The following RPS6KC1 variants were observed in gnomAD, a reference collection of about 807,000 sequenced individuals.
RPS6KC1 encodes the protein ribosomal protein S6 kinase C1.
Under a neutral mutation model 103.8 loss-of-function variants are expected in RPS6KC1, and 54 were observed. The observed-to-expected ratio is 0.52, with a 90% CI of 0.42 to 0.65. The LOEUF is 0.65. RPS6KC1 is among the 30% of genes least tolerant of loss of function. The probability of loss-of-function intolerance (pLI) is 0.00; values close to 1 mark genes in which losing one functional copy is unlikely to be tolerated. For synonymous variants in RPS6KC1, 439 were observed against 438.7 expected, an observed-to-expected ratio of 1.00 and a Z score of -0.01; for missense variants, 1,151 against 1,253.8, an observed-to-expected ratio of 0.92 and a Z score of 1.24.
At chr1:213,585,704 G>T in the RPS6KC1 span, among the ~76,000 whole-genome samples, 1 of 152,228 alleles carries the variant, frequency 6.6e-6, no homozygotes, top group East Asian at 1.9e-4. Flanking sequence ...TGGGTGAATG[G>T]GGTGTCTCTC....
chr1:213,785,474 A>G, the RPS6KC1 span, among the ~76,000 whole-genome samples: 1 of 152,196 alleles, frequency 6.6e-6, no homozygotes, highest in South Asian at 2.1e-4. Flanking sequence ...TGAGATCTTT[A>G]GCCCAAAAGA....
the RPS6KC1 span, among the ~76,000 whole-genome samples, chr1:213,506,744 T>A: frequency 2.0e-5 from 3 of 152,242 alleles, no homozygotes; most frequent in African/African-American, 7.2e-5. Flanking sequence ...TGATTCTTAA[T>A]TAGCTAGCTA....
chr1:213,253,239 A>G (rs911773783), intron 12 of RPS6KC1, among the ~76,000 whole-genome samples: 5 of 152,100 alleles, frequency 3.3e-5, no homozygotes, highest in Admixed American at 6.6e-5. Flanking sequence ...ATGGGTAACT[A>G]TATTGTTAGT....
chr1:213,153,539 A>G (rs915353231), intron 6 of RPS6KC1, among the ~76,000 whole-genome samples: 9 of 152,210 alleles, frequency 5.9e-5, no homozygotes, highest in East Asian at 1.9e-4. Context: ...TGTGTTGCCT[A>G]TGTCTTGAAA....
the RPS6KC1 span, among the ~76,000 whole-genome samples, chr1:213,398,084 T>G: frequency 6.6e-6 from 1 of 151,356 alleles, no homozygotes; most frequent in African/African-American, 2.4e-5. Context: ...CAGGCTGGAG[T>G]GCAGTGGTGC....
the RPS6KC1 span, among the ~76,000 whole-genome samples, chr1:213,778,310 C>T: frequency 2.0e-5 from 3 of 152,160 alleles, no homozygotes; most frequent in South Asian, 6.2e-4. Flanking sequence ...GATTTTCCTA[C>T]CAATTTTGAC....
rs190195331 is a variant in RPS6KC1, at chr1:213,272,783, G to A, written c.*149G>A. 1.0e-3 allele frequency: 620 copies of A among 597,026 alleles called. 2 individuals carry two copies. The highest frequency in any genetic ancestry group is 1.6e-3 in the Admixed American group (55 of 35,318). 37.0% of individuals were successfully genotyped at this position (597,026 alleles called of 1,614,324 possible). On this transcript the variant is annotated 3_prime_UTR_variant, in exon 15 of 15. Transcript: ENST00000366960. ...GGAAATGGGGGGGAAATGGCTAAAAGAGAACAATTCGTTTACAATTACAAG... is the reference window on the plus strand; with the variant it reads ...GGAAATGGGGGGGAAATGGCTAAAAAAGAACAATTCGTTTACAATTACAAG...
At position 213,070,886 on chromosome 1, in the gene RPS6KC1, G is replaced by T; in HGVS notation, c.106-120G>T. On this transcript the variant is annotated intron_variant, in intron 1 of 14. Coordinates refer to ENST00000366960, the MANE Select transcript of RPS6KC1 (RefSeq NM_012424.6). ...AGCTGAGTTTTGGATAAATGATATA[G>T]TGTTTATTTTTTTAAGCAAATTGAA... The T allele has an allele frequency of 1.1e-5, 7 of 617,318 alleles. No homozygotes were observed. In the South Asian group the frequency reaches 1.4e-4, roughly 13 times the overall value. The allele number at this position is 617,318 out of a possible 1,614,324, so 38.2% of individuals were successfully genotyped here.
chr1:213,320,097 G>A, the RPS6KC1 span, among the ~76,000 whole-genome samples: 5 of 152,176 alleles, frequency 3.3e-5, no homozygotes, highest in Admixed American at 2.0e-4. Context: ...GTTTTGGTGA[G>A]TATAACAAGT....
chr1:213,365,027 A>G, the RPS6KC1 span, among the ~76,000 whole-genome samples: 6 of 152,288 alleles, frequency 3.9e-5, no homozygotes, highest in Admixed American at 6.5e-5. Context: ...AGCACCATAA[A>G]TATCTGTTTC....
chr1:213,849,160 C>T, the RPS6KC1 span, among the ~76,000 whole-genome samples: 1 of 152,156 alleles, frequency 6.6e-6, no homozygotes, highest in African/African-American at 2.4e-5. Flanking sequence ...CCAAACACTC[C>T]AAGCAGCTGC....
In RPS6KC1 at chr1:213,176,509, T is replaced by C. The variant is rs1230691656; in HGVS notation, c.1044+17T>C. ...ATTGACAAGGTAATTCTTCAGTGTC[T>C]CTTCAAGAGTTCAGTCATAAATCGA... On this transcript the variant is annotated intron_variant, in intron 8 of 14. Transcript: ENST00000366960. 6.6e-7 allele frequency: 1 copy of C among 1,510,034 alleles called. No homozygotes were observed. Among genetic ancestry groups the C allele is most frequent in the Admixed American group, 1.7e-5 (1 of 59,514 alleles). 93.5% of individuals were successfully genotyped at this position (1,510,034 alleles called of 1,614,324 possible).
intron 12 of RPS6KC1, among the ~76,000 whole-genome samples, chr1:213,251,386 G>A (rs773629911): frequency 2.0e-5 from 3 of 152,172 alleles, no homozygotes; most frequent in Admixed American, 6.5e-5. Context: ...GATTACAGGC[G>A]TGAGCCACCG....
At chr1:213,653,817 T>C in the RPS6KC1 span, among the ~76,000 whole-genome samples, 1 of 152,250 alleles carries the variant, frequency 6.6e-6, no homozygotes, top group South Asian at 2.1e-4. Context: ...TATTAAACTC[T>C]AATCTGCATT....
chr1:213,728,264 C>T, the RPS6KC1 span, among the ~76,000 whole-genome samples: 1 of 152,116 alleles, frequency 6.6e-6, no homozygotes, highest in Admixed American at 6.5e-5. Flanking sequence ...GTACTTGGGG[C>T]GTCTTGGAAC....
the RPS6KC1 span, among the ~76,000 whole-genome samples, chr1:213,436,539 G>A: frequency 6.6e-6 from 1 of 152,080 alleles, no homozygotes; most frequent in Non-Finnish European, 1.5e-5. Flanking sequence ...AATTCCCAGA[G>A]GGAAAAAACA....
chr1:213,421,932 T>A, the RPS6KC1 span, among the ~76,000 whole-genome samples: 1 of 152,378 alleles, frequency 6.6e-6, no homozygotes, highest in African/African-American at 2.4e-5. Flanking sequence ...ACTATTTATG[T>A]GTTTTAACCT....
chr1:213,059,784 T>C (rs968369154), intron 1 of RPS6KC1, among the ~76,000 whole-genome samples: 6 of 152,172 alleles, frequency 3.9e-5, no homozygotes, highest in Non-Finnish European at 8.8e-5. Flanking sequence ...GCAATTCTCT[T>C]GCCTCAGCCT....
At chr1:213,572,205 C>T in the RPS6KC1 span, among the ~76,000 whole-genome samples, 2 of 152,138 alleles carry the variant, frequency 1.3e-5, no homozygotes, top group Non-Finnish European at 2.9e-5. Flanking sequence ...GGCCAAGCCC[C>T]GTGGAGGGGA....
Sources: allele counts gnomAD v4.1 joint callset (sites outside exome capture counted in the v4.1 genomes callset), GRCh38; gene constraint gnomAD v4.1.1; transcripts MANE v1.5; gene names NCBI Gene and HGNC (gene_info 2026-07-23, HGNC 2026-07-21).